ITIH2: variants seen among roughly 807,000 people sequenced by gnomAD.
The protein encoded by ITIH2 is inter-alpha-trypsin inhibitor heavy chain 2.
Under a neutral mutation model 104.4 loss-of-function variants are expected in ITIH2, and 103 were observed. The ratio of observed to expected loss-of-function variants is 0.99; its 90% CI spans 0.84 to 1.16. The LOEUF (loss-of-function observed/expected upper bound fraction) is 1.16, where lower values mean the gene tolerates loss of function less well. Ranked by LOEUF, ITIH2 falls within the 50% of genes most tolerant of loss-of-function variation. ITIH2 has a pLI of 0.00. For synonymous variants in ITIH2, 436 were observed against 435.4 expected, an observed-to-expected ratio of 1.00 and a Z score of -0.02; for missense variants, 1,108 against 1,162.4, an observed-to-expected ratio of 0.95 and a Z score of 0.68.
intron 19 of ITIH2, 106 bp downstream of exon 19, chr10:7,745,069 G>A (rs1721485945): frequency 2.1e-6 from 2 of 942,508 alleles, no homozygotes; most frequent in South Asian, 1.6e-5. Flanking sequence ...GTGGACTCAT[G>A]AGCACAGAGG....
rs772595952 is a variant in ITIH2, at chr10:7,726,934, T to C, written c.985-16T>C. The stretch of plus-strand genomic sequence containing the variant: ...TTTTCTGTAATGGGACCTGTCTTTA[T>C]TCTCTATTGAAATAGACTGTGGAAG... On this transcript the variant is annotated splice_polypyrimidine_tract_variant and intron_variant, in intron 9 of 20. Coordinates refer to ENST00000358415, the MANE Select transcript of ITIH2 (RefSeq NM_002216.3). 6.3e-7 allele frequency: 1 copy of C among 1,580,180 alleles called. No individual in the cohort carries two copies. Among genetic ancestry groups the C allele is most frequent in the Non-Finnish European group, 8.6e-7 (1 of 1,160,768 alleles).
chr10:7,745,901 T>A (rs1006759332), intron 19 of ITIH2, among the ~76,000 whole-genome samples: 1 of 150,788 alleles, frequency 6.6e-6, no homozygotes, highest in Non-Finnish European at 1.5e-5. Context: ...ATTACAGGCA[T>A]GCACCACCAC....
In ITIH2 at chr10:7,739,699, C is replaced by CA. The variant is rs200730936; in HGVS notation, c.2095+949dup. Among the ~76,000 whole-genome samples, 1,226 of 150,654 alleles carry CA rather than the reference C, an allele frequency of 8.1e-3. 25 individuals are homozygous for CA. Among genetic ancestry groups the CA allele is most frequent in the African/African-American group, 0.029 (1,175 of 41,008 alleles). ...CTTGAGGCCAGGAGTTTGAGACCAG[C>CA]AAAAAAAACAAAAACAAAAACAAAA... On this transcript the variant is annotated intron_variant, in intron 16 of 20. Transcript: ENST00000358415.
At chr10:7,722,044 A>G (rs1230941688) in intron 8 of ITIH2, among the ~76,000 whole-genome samples, 2 of 152,196 alleles carry the variant, frequency 1.3e-5, no homozygotes, top group East Asian at 3.8e-4. Context: ...ATTACAGAAC[A>G]GGAATTTTAA....
At chr10:7,730,788 C>T (rs1834995121) in intron 12 of ITIH2, among the ~76,000 whole-genome samples, 1 of 151,574 alleles carries the variant, frequency 6.6e-6, no homozygotes, top group African/African-American at 2.4e-5. Flanking sequence ...TACCAGGCAT[C>T]GTATTTAAAT....
chr10:7,721,805 T>A, intron 8 of ITIH2, 28 bp downstream of exon 8: 2 of 1,611,134 alleles, frequency 1.2e-6, no homozygotes, highest in Non-Finnish European at 1.7e-6. Flanking sequence ...CTGGTTCTAC[T>A]GCCAAGCTCG....
At chr10:7,718,526 ATTTTTT>A (rs559290134) in intron 6 of ITIH2, among the ~76,000 whole-genome samples, 1 of 148,988 alleles carries the variant, frequency 6.7e-6, no homozygotes, top group Non-Finnish European at 1.5e-5. Flanking sequence ...TTTCTCAGTT[ATTTTTT>A]TTTTAACTTT....
rs766613965 is a variant in ITIH2 at position 7,734,995 on chromosome 10, A to C, written c.1861A>C (p.Ile621Leu). The change falls in exon 15 of 21, where the codon ATT becomes CTT. Residue 621 changes from isoleucine (I) to leucine (L), a missense_variant. Coordinates refer to ENST00000358415, the MANE Select transcript of ITIH2 (RefSeq NM_002216.3). Reference sequence around the variant, plus strand: ...CCTGCAGATGTCTCTAGACCACCACATTGTGACTCCGCTGACCTCGCTGGT... The same window carrying C: ...CCTGCAGATGTCTCTAGACCACCACCTTGTGACTCCGCTGACCTCGCTGGT... ...SILQMSLDHHIVTPLTSLVIE... is the reference protein window; with the variant it reads ...SILQMSLDHHLVTPLTSLVIE... 1 of 1,613,886 alleles carries C rather than the reference A, an allele frequency of 6.2e-7. No individual in the cohort carries two copies. Among genetic ancestry groups the C allele is most frequent in the South Asian group, 1.1e-5 (1 of 91,080 alleles).
At chr10:7,716,557 G>A (rs1035475497) in intron 5 of ITIH2, among the ~76,000 whole-genome samples, 5 of 151,752 alleles carry the variant, frequency 3.3e-5, no homozygotes, top group African/African-American at 7.3e-5. Context: ...TCAACATGGC[G>A]AAACCCTGAC....
chr10:7,736,554 A>G lies in ITIH2; in HGVS notation c.1957+1463A>G, dbSNP rs867127459. Reference sequence around the variant, plus strand: ...TAATTAAGAATTTAATTTAAAAATCATAACCATAAGATTCTGAGTATTCAA... The same window carrying G: ...TAATTAAGAATTTAATTTAAAAATCGTAACCATAAGATTCTGAGTATTCAA... On this transcript the variant is annotated intron_variant, in intron 15 of 20. Transcript: ENST00000358415. Among the ~76,000 whole-genome samples the G allele has an allele frequency of 2.0e-5, 3 of 152,336 alleles. No individual in the cohort carries two copies. In the South Asian group the frequency reaches 6.2e-4, roughly 32 times the overall value.
Position 7,730,102 on chromosome 10 carries a change from A to C in ITIH2, c.1430A>C (p.Tyr477Ser). 2 of 1,608,102 alleles carry C rather than the reference A, an allele frequency of 1.2e-6. No individual in the cohort carries two copies. The highest frequency in any genetic ancestry group is 1.7e-6 in the Non-Finnish European group (2 of 1,178,260). Residue 477 changes from tyrosine (Y) to serine (S), a missense_variant, in exon 12 of 21, where the codon TAT becomes TCT. Physicochemically the swap from Tyr to Ser is moderately radical, Grantham distance 144. Coordinates refer to ENST00000358415, the MANE Select transcript of ITIH2 (RefSeq NM_002216.3). ...NENHGIAQRI[Y>S]GNQDTSSQLK... ...AACCATGGAATTGCACAAAGGATTT[A>C]TGGAAACCAGGACACGTCTTCCCAG...
chr10:7,714,024 T>C (rs1308279258), intron 5 of ITIH2, among the ~76,000 whole-genome samples: 1 of 152,018 alleles, frequency 6.6e-6, no homozygotes, highest in African/African-American at 2.4e-5. Flanking sequence ...TTACTTCACT[T>C]AGGCTTTGTT....
In ITIH2 at chr10:7,732,456, T is replaced by G; in HGVS notation, c.1766T>G (p.Ile589Ser). ...FTRKLWAYLT[I>S]NQLLAERSLA... The stretch of plus-strand genomic sequence containing the variant: ...AGGAAACTGTGGGCCTATCTAACCA[T>G]CAACCAACTGCTAGCTGAACGGTAA... Residue 589 changes from isoleucine (I) to serine (S), a missense_variant, in exon 14 of 21, where the codon ATC becomes AGC. By Grantham distance (142) the Ile-to-Ser change is moderately radical. Coordinates refer to ENST00000358415, the MANE Select transcript of ITIH2 (RefSeq NM_002216.3). 2.5e-6 allele frequency: 4 copies of G among 1,613,740 alleles called. No individual in the cohort carries two copies. The highest frequency in any genetic ancestry group is 3.4e-6 in the Non-Finnish European group (4 of 1,179,794).
intron 14 of ITIH2, among the ~76,000 whole-genome samples, chr10:7,732,884 C>T (rs1015645872): frequency 2.0e-5 from 3 of 152,040 alleles, no homozygotes; most frequent in East Asian, 1.9e-4. Flanking sequence ...CCCACCACCA[C>T]GCCCAGCTAA....
intron 16 of ITIH2, among the ~76,000 whole-genome samples, chr10:7,741,667 C>G (rs1835126193): frequency 6.6e-6 from 1 of 152,200 alleles, no homozygotes; most frequent in South Asian, 2.1e-4. Context: ...CCACCAACAA[C>G]TTTCCTAAAA....
intron 6 of ITIH2, among the ~76,000 whole-genome samples, chr10:7,718,614 G>A (rs921952672): frequency 3.9e-5 from 6 of 152,080 alleles, no homozygotes; most frequent in African/African-American, 1.4e-4. Flanking sequence ...GTGTACAGAT[G>A]ATTTCACCAC....
chr10:7,743,531 T>C (rs982750216), intron 17 of ITIH2, among the ~76,000 whole-genome samples: 1 of 152,122 alleles, frequency 6.6e-6, no homozygotes, highest in Admixed American at 6.6e-5. Flanking sequence ...CCCAGCACTT[T>C]GGGAGGCCGA....
chr10:7,726,880 T>C (rs576856238), intron 9 of ITIH2, 70 bp from the exon 10 acceptor site: 19 of 1,257,232 alleles, frequency 1.5e-5, no homozygotes, highest in East Asian at 1.5e-4. Flanking sequence ...GATCAATGAT[T>C]GGTCTTCCTA....
chr10:7,730,138 C>T lies in ITIH2; in HGVS notation c.1461+5C>T, dbSNP rs374240648. 5 of 1,580,346 alleles carry T rather than the reference C, an allele frequency of 3.2e-6. No homozygotes were observed. In the South Asian group the frequency reaches 3.5e-5, roughly 11 times the overall value. On this transcript the variant is annotated splice_donor_5th_base_variant and intron_variant, in intron 12 of 20. Coordinates refer to ENST00000358415, the MANE Select transcript of ITIH2 (RefSeq NM_002216.3). Reference sequence around the variant, plus strand: ...GACACGTCTTCCCAGCTTAAGGTAACATTTTCTTCTGTTCTTTTTTTATTC... The same window carrying T: ...GACACGTCTTCCCAGCTTAAGGTAATATTTTCTTCTGTTCTTTTTTTATTC...
Sources: gnomAD v4.1 joint callset for allele counts (sites outside exome capture counted in the v4.1 genomes callset) on GRCh38, gnomAD v4.1.1 for gene constraint, MANE v1.5 for transcripts, NCBI Gene and HGNC (gene_info 2026-07-23, HGNC 2026-07-21) for gene names.